Variants in ZDHHC14 observed in about 807,000 individuals in gnomAD.
ZDHHC14 encodes zDHHC palmitoyltransferase 14.
A neutral mutation model predicts 47.7 loss-of-function variants in ZDHHC14; 16 were observed. The observed-to-expected ratio is 0.34, with a 90% CI of 0.23 to 0.51. The LOEUF (loss-of-function observed/expected upper bound fraction) is 0.51, where lower values mean the gene tolerates loss of function less well. ZDHHC14 is among the 20% of genes least tolerant of loss of function. ZDHHC14 has a pLI of 0.97. For missense variants in ZDHHC14, 515 were observed against 662.5 expected (o/e 0.78, Z 2.44); for synonymous variants, 293 against 278.9 (o/e 1.05, Z -0.50).
chr6:157,512,739 C>G (rs1435255122), intron 1 of ZDHHC14, among the ~76,000 whole-genome samples: 3 of 152,132 alleles, frequency 2.0e-5, no homozygotes, highest in African/African-American at 7.2e-5. Flanking sequence ...CTTGTCAAAA[C>G]AGATAAAAAT....
intron 1 of ZDHHC14, among the ~76,000 whole-genome samples, chr6:157,387,705 C>T (rs992849726): frequency 2.0e-5 from 3 of 152,240 alleles, no homozygotes; most frequent in African/African-American, 7.2e-5. Context: ...CATTTGTGTA[C>T]ATGATCAACA....
chr6:157,586,689 CCTGG>C lies in ZDHHC14; in HGVS notation c.407-6298_407-6295del, dbSNP rs1474060306. 1.4e-5 allele frequency among the ~76,000 whole-genome samples: 2 copies of C among 143,410 alleles called. No homozygotes were observed. Among genetic ancestry groups the C allele is most frequent in the Non-Finnish European group, 3.1e-5 (2 of 63,632 alleles). 94.1% of individuals were successfully genotyped at this position (143,410 alleles called of 152,430 possible). A position where few individuals can be genotyped will look rare whatever the true frequency, so the allele number is the denominator to read the frequency against. ...AGGACCCCAGCGGCCCTCGGCAACC[CCTGG>C]TGCAGCACCGGCTTATAGTAAATCC... is the stretch of plus-strand genomic sequence containing the variant. On this transcript the variant is annotated intron_variant, in intron 2 of 8. Transcript: ENST00000359775. The surrounding 1 kb of genome is among the most constrained non-coding windows in gnomAD (Gnocchi z 4.6).
At chr6:157,571,592 T>C (rs1303048305) in intron 2 of ZDHHC14, among the ~76,000 whole-genome samples, 1 of 152,196 alleles carries the variant, frequency 6.6e-6, no homozygotes, top group Admixed American at 6.5e-5. Flanking sequence ...TTCTCTTTTG[T>C]CTGTGTTTTT....
intron 1 of ZDHHC14, among the ~76,000 whole-genome samples, chr6:157,441,481 T>C (rs1227963566): frequency 2.0e-5 from 3 of 152,200 alleles, no homozygotes; most frequent in African/African-American, 7.2e-5. Context: ...TTAATTTCTT[T>C]CTGACAAGCA....
chr6:157,671,502 A>G (rs1778793139), intron 8 of ZDHHC14, among the ~76,000 whole-genome samples: 1 of 152,214 alleles, frequency 6.6e-6, no homozygotes, highest in Admixed American at 6.5e-5. Flanking sequence ...AAGGTACCGC[A>G]CAGGCTCAAG....
At position 157,510,452 on chromosome 6, in the gene ZDHHC14, T is replaced by G. The variant is rs189282688; in HGVS notation, c.246-32133T>G. On this transcript the variant is annotated intron_variant, in intron 1 of 8. Coordinates refer to ENST00000359775, the MANE Select transcript of ZDHHC14 (RefSeq NM_024630.3). ...ACTGCTCCATGAAGCCGTCCTGGTG[T>G]GGTCTTGGGTGAACTTGTCCACCCC... Among the ~76,000 whole-genome samples the G allele has an allele frequency of 1.8e-3, 277 of 152,246 alleles. 1 individual carries two copies. The highest frequency in any genetic ancestry group is 6.2e-3 in the African/African-American group (256 of 41,562).
At chr6:157,488,142 G>C (rs1007124715) in intron 1 of ZDHHC14, among the ~76,000 whole-genome samples, 7 of 152,154 alleles carry the variant, frequency 4.6e-5, no homozygotes, top group Non-Finnish European at 1.0e-4. Flanking sequence ...CTTCCCAGAG[G>C]CAGCACCCAC....
intron 8 of ZDHHC14, among the ~76,000 whole-genome samples, chr6:157,664,302 T>A (rs1778463323): frequency 6.6e-6 from 1 of 152,230 alleles, no homozygotes. Flanking sequence ...AGTTGTAAAA[T>A]TTTGATTTGG....
intron 2 of ZDHHC14, among the ~76,000 whole-genome samples, chr6:157,589,250 C>G (rs1783816030): frequency 6.6e-6 from 1 of 152,098 alleles, no homozygotes; most frequent in Non-Finnish European, 1.5e-5. Flanking sequence ...ATCAGAAGAA[C>G]AGCAAGGGAG....
At chr6:157,579,188 G>GTA (rs1783418371) in intron 2 of ZDHHC14, among the ~76,000 whole-genome samples, 1 of 89,170 alleles carries the variant, frequency 1.1e-5, no homozygotes, top group Non-Finnish European at 2.1e-5. Context: ...TATTGATTCT[G>GTA]TGTTTTTTTT....
At chr6:157,433,626 TA>T (rs756247572) in intron 1 of ZDHHC14, among the ~76,000 whole-genome samples, 5 of 151,870 alleles carry the variant, frequency 3.3e-5, no homozygotes, top group Non-Finnish European at 7.4e-5. Flanking sequence ...TCTTTAGCTC[TA>T]AAAATTCTCA....
chr6:157,388,126 A>G (rs1777354219), intron 1 of ZDHHC14, among the ~76,000 whole-genome samples: 1 of 152,242 alleles, frequency 6.6e-6, no homozygotes, highest in South Asian at 2.1e-4. Flanking sequence ...TTAAGCAAAT[A>G]AAGCACTCTG....
intron 1 of ZDHHC14, among the ~76,000 whole-genome samples, chr6:157,522,834 TCCC>T: frequency 2.4e-5 from 1 of 41,124 alleles, no homozygotes; most frequent in African/African-American, 1.6e-4. Flanking sequence ...CCTCCCTCCC[TCCC>T]TTCCTTCCTT....
intron 3 of ZDHHC14, among the ~76,000 whole-genome samples, chr6:157,615,080 A>T (rs546319062): frequency 4.6e-5 from 7 of 152,128 alleles, no homozygotes; most frequent in African/African-American, 1.7e-4. Flanking sequence ...ATTCTTAATG[A>T]TTTTTAAGCA....
intron 1 of ZDHHC14, among the ~76,000 whole-genome samples, chr6:157,426,721 G>T (rs1213030038): frequency 6.6e-6 from 1 of 152,210 alleles, no homozygotes; most frequent in Non-Finnish European, 1.5e-5. Context: ...GGAACAGAAA[G>T]GATGGGGAGC....
intron 1 of ZDHHC14, among the ~76,000 whole-genome samples, chr6:157,503,170 G>A (rs1297593099): frequency 6.6e-6 from 1 of 152,182 alleles, no homozygotes; most frequent in East Asian, 1.9e-4. Flanking sequence ...GGGGACTCTG[G>A]TGGTTCTCAT....
intron 1 of ZDHHC14, among the ~76,000 whole-genome samples, chr6:157,508,967 A>T (rs560466369): frequency 6.6e-6 from 1 of 152,320 alleles, no homozygotes; most frequent in South Asian, 2.1e-4. Flanking sequence ...AGTAAATTTC[A>T]GTTCCACGTG....
chr6:157,655,307 G>A (rs901198494), intron 8 of ZDHHC14, among the ~76,000 whole-genome samples: 1 of 152,180 alleles, frequency 6.6e-6, no homozygotes, highest in African/African-American at 2.4e-5. Flanking sequence ...GGGAAAAGGG[G>A]ACACTTGTCC....
intron 1 of ZDHHC14, among the ~76,000 whole-genome samples, chr6:157,412,231 G>A (rs1428825030): frequency 2.6e-5 from 4 of 151,776 alleles, no homozygotes; most frequent in East Asian, 3.9e-4. Context: ...GAGCCACTGC[G>A]CCTGGCCAGT....
Sources: allele counts gnomAD v4.1 joint callset (sites outside exome capture counted in the v4.1 genomes callset), GRCh38; gene constraint gnomAD v4.1.1; non-coding constraint Gnocchi (gnomAD v3.1); transcripts MANE v1.5; gene names NCBI Gene and HGNC (gene_info 2026-07-23, HGNC 2026-07-21).